Variants in PRKG1 observed in about 807,000 individuals in gnomAD.
The protein encoded by PRKG1 is protein kinase cGMP-dependent 1.
In PRKG1, 35 loss-of-function variants were observed where a neutral mutation model predicts 88.1. That is an observed-to-expected ratio of 0.40 (90% CI 0.30 to 0.53). The LOEUF (loss-of-function observed/expected upper bound fraction) is 0.53, where lower values mean the gene tolerates loss of function less well. PRKG1 is among the 20% of genes least tolerant of loss of function. PRKG1 has a pLI of 0.59. For missense variants in PRKG1, 540 were observed against 839.8 expected, an observed-to-expected ratio of 0.64 and a Z score of 4.41; for synonymous variants, 303 against 292.5, an observed-to-expected ratio of 1.04 and a Z score of -0.37.
chr10:51,840,024 C>A (rs559710745), intron 4 of PRKG1, among the ~76,000 whole-genome samples: 1 of 152,318 alleles, frequency 6.6e-6, no homozygotes, highest in African/African-American at 2.4e-5. Flanking sequence ...TAATTTAGAT[C>A]AGCAGTTCAG....
At chr10:51,145,867 A>T (rs957131301) in intron 1 of PRKG1, among the ~76,000 whole-genome samples, 7 of 152,180 alleles carry the variant, frequency 4.6e-5, no homozygotes, top group African/African-American at 1.7e-4. Flanking sequence ...TTTTAGAGAA[A>T]ACTCCATACT....
At chr10:51,411,769 C>T (rs965461398) in intron 2 of PRKG1, among the ~76,000 whole-genome samples, 2 of 152,132 alleles carry the variant, frequency 1.3e-5, no homozygotes, top group African/African-American at 4.8e-5. Flanking sequence ...ATATGCTCCT[C>T]TTGAATATTT....
intron 3 of PRKG1, among the ~76,000 whole-genome samples, chr10:51,505,343 C>A (rs1841165321): frequency 6.6e-6 from 1 of 152,104 alleles, no homozygotes; most frequent in Non-Finnish European, 1.5e-5. Flanking sequence ...GGTGGATAAG[C>A]TTTTTGATGT....
chr10:51,867,543 T>A (rs1447115934), intron 4 of PRKG1, among the ~76,000 whole-genome samples: 2 of 152,030 alleles, frequency 1.3e-5, no homozygotes, highest in African/African-American at 4.8e-5. Context: ...GACTTAGGAA[T>A]TTAAATCAAC....
chr10:51,104,807 G>GT (rs1448646504), intron 1 of PRKG1, among the ~76,000 whole-genome samples: 2 of 151,674 alleles, frequency 1.3e-5, no homozygotes, highest in Admixed American at 1.3e-4. Context: ...TCGGCTTACT[G>GT]CAACCTCCAC....
intron 9 of PRKG1, among the ~76,000 whole-genome samples, chr10:52,209,625 G>T (rs1424805447): frequency 6.6e-6 from 1 of 152,088 alleles, no homozygotes; most frequent in Non-Finnish European, 1.5e-5. Flanking sequence ...TTTGCCAGAA[G>T]TCATAATCTC....
intron 7 of PRKG1, among the ~76,000 whole-genome samples, chr10:52,105,131 C>T (rs1050471911): frequency 6.6e-6 from 1 of 151,796 alleles, no homozygotes; most frequent in Non-Finnish European, 1.5e-5. Flanking sequence ...GAAGAACTTA[C>T]CGAATTTATG....
chr10:51,264,571 C>T (rs1430027951), intron 2 of PRKG1, among the ~76,000 whole-genome samples: 2 of 152,152 alleles, frequency 1.3e-5, no homozygotes, highest in Admixed American at 1.3e-4. Flanking sequence ...GTTGGTTTGA[C>T]TGTGTGTCCT....
At chr10:51,910,308 A>G (rs1056320664) in intron 5 of PRKG1, 3 of 152,118 alleles carry the variant, frequency 2.0e-5, no homozygotes, top group Non-Finnish European at 4.4e-5. Flanking sequence ...TGTGTTTGCT[A>G]TTTGTTCCTG....
chr10:51,483,406 C>G (rs1205127370), intron 3 of PRKG1, among the ~76,000 whole-genome samples: 1 of 152,156 alleles, frequency 6.6e-6, no homozygotes, highest in Non-Finnish European at 1.5e-5. Flanking sequence ...TTTACTCCAT[C>G]TTTGACTATT....
intron 5 of PRKG1, among the ~76,000 whole-genome samples, chr10:52,016,843 G>A (rs1845053403): frequency 6.6e-6 from 1 of 151,984 alleles, no homozygotes. Context: ...AACAGAACAA[G>A]GTAAAATACA....
At chr10:52,272,555 T>C in intron 12 of PRKG1, 74 bp downstream of exon 12, 3 of 995,560 alleles carry the variant, frequency 3.0e-6, no homozygotes, top group East Asian at 2.5e-5. Context: ...AGAGTTAATA[T>C]GATAAAGTAT....
At chr10:51,913,289 T>C (rs911197752) in intron 5 of PRKG1, among the ~76,000 whole-genome samples, 5 of 152,158 alleles carry the variant, frequency 3.3e-5, no homozygotes, top group African/African-American at 1.2e-4. Flanking sequence ...TATTGCATGA[T>C]GCTGAGCTTT....
chr10:51,593,274 T>A (rs1838357756), intron 3 of PRKG1, among the ~76,000 whole-genome samples: 1 of 152,308 alleles, frequency 6.6e-6, no homozygotes, highest in South Asian at 2.1e-4. Flanking sequence ...AGAGAAATGC[T>A]GATTTCCTTT....
intron 8 of PRKG1, among the ~76,000 whole-genome samples, chr10:52,154,487 T>C (rs1299508078): frequency 6.6e-6 from 1 of 152,196 alleles, no homozygotes; most frequent in African/African-American, 2.4e-5. Context: ...AGATTGTGAA[T>C]TCAGTCATCC....
intron 3 of PRKG1, among the ~76,000 whole-genome samples, chr10:51,786,431 A>G (rs563893626): frequency 6.6e-6 from 1 of 152,116 alleles, no homozygotes; most frequent in Non-Finnish European, 1.5e-5. Flanking sequence ...CTTTGTTTGC[A>G]TCAGGAATTT....
chr10:51,628,008 C>CTTTT (rs57067430), intron 3 of PRKG1, among the ~76,000 whole-genome samples: 1 of 50,440 alleles, frequency 2.0e-5, no homozygotes, highest in African/African-American at 6.3e-5. Context: ...CTCTCTCTCT[C>CTTTT]TCTTTCTTTC....
At chr10:52,083,832 C>A (rs1324111528) in intron 7 of PRKG1, among the ~76,000 whole-genome samples, 1 of 151,882 alleles carries the variant, frequency 6.6e-6, no homozygotes, top group Non-Finnish European at 1.5e-5. Context: ...TTTAGTCTAG[C>A]AATATTAGTA....
chr10:51,367,126 ACT>A (rs1395128295), intron 2 of PRKG1, among the ~76,000 whole-genome samples: 5 of 151,852 alleles, frequency 3.3e-5, no homozygotes, highest in Admixed American at 1.3e-4. Context: ...AGAAACTAAG[ACT>A]CTTTTTTTTC....
Sources: allele counts gnomAD v4.1 joint callset (sites outside exome capture counted in the v4.1 genomes callset), GRCh38; gene constraint gnomAD v4.1.1; transcripts MANE v1.5; gene names NCBI Gene and HGNC (gene_info 2026-07-23, HGNC 2026-07-21).